PPHLN1: variants seen among roughly 807,000 people sequenced by gnomAD.
The protein encoded by PPHLN1 is periphilin-1.
In PPHLN1, 29 loss-of-function variants were observed where a neutral mutation model predicts 51.3. That is an observed-to-expected ratio of 0.57 (90% CI 0.42 to 0.77). The LOEUF is 0.77. Ranked by LOEUF, PPHLN1 falls within the 30% of genes least tolerant of loss-of-function variation. PPHLN1 has a pLI of 0.00. For synonymous variants in PPHLN1, 147 were observed against 147.8 expected, an observed-to-expected ratio of 0.99 and a Z score of 0.04; for missense variants, 436 against 438.4, an observed-to-expected ratio of 0.99 and a Z score of 0.05.
chr12:42,336,035 C>G, intron 2 of PPHLN1, 61 bp downstream of exon 2: 1 of 1,144,212 alleles, frequency 8.7e-7, no homozygotes, highest in Non-Finnish European at 1.2e-6. Context: ...ATTTGATACA[C>G]CAAAGCTAGG....
At chr12:42,445,913 A>G (rs539116504), downstream of PPHLN1, 41 of 1,446,728 alleles carry the variant, frequency 2.8e-5, no homozygotes, top group African/African-American at 4.3e-5. Context: ...AATATATGGC[A>G]TGGTCCAAAT....
chr12:42,425,038 T>TATGTATGTATG, intron 9 of PPHLN1, among the ~76,000 whole-genome samples: 1 of 136,964 alleles, frequency 7.3e-6, no homozygotes, highest in African/African-American at 2.8e-5. Context: ...TTATTTTATT[T>TATGTATGTATG]TATGTATGTA....
Position 42,387,365 on chromosome 12 carries a change from G to T in PPHLN1, c.569-91G>T, listed in dbSNP as rs2077276879. 3 of 1,369,092 alleles carry T rather than the reference G, an allele frequency of 2.2e-6. No individual in the cohort carries two copies. In the East Asian group the frequency reaches 7.4e-5, roughly 34 times the overall value. The allele number at this position is 1,369,092 out of a possible 1,614,324, so 84.8% of individuals were successfully genotyped here. A position where few individuals can be genotyped will look rare whatever the true frequency, so the allele number is the denominator to read the frequency against. ...GAAAAGTTTTAGTACTAAAATAAGT[G>T]TATGACCCCCACATTAATTCCATTA... On this transcript the variant is annotated intron_variant, in intron 6 of 9. Transcript: ENST00000358314.
chr12:42,352,671 G>A (rs762100789), intron 3 of PPHLN1, among the ~76,000 whole-genome samples: 3 of 151,862 alleles, frequency 2.0e-5, no homozygotes, highest in Non-Finnish European at 4.4e-5. Flanking sequence ...ATGATCAAGT[G>A]GGAGGCCCAC....
At chr12:42,356,179 A>AGAGT (rs1366426086) in intron 4 of PPHLN1, among the ~76,000 whole-genome samples, 1 of 152,252 alleles carries the variant, frequency 6.6e-6, no homozygotes, top group Non-Finnish European at 1.5e-5. Flanking sequence ...AGTCTCATAG[A>AGAGT]GAGTGGCAAG....
chr12:42,406,748 T>C (rs1166281982), intron 9 of PPHLN1, among the ~76,000 whole-genome samples: 2 of 152,174 alleles, frequency 1.3e-5, no homozygotes, highest in African/African-American at 4.8e-5. Flanking sequence ...ATAAAAGTTC[T>C]TAATTTTATT....
At chr12:42,326,695 G>C (rs1323557225) in intron 1 of PPHLN1, among the ~76,000 whole-genome samples, 4 of 152,170 alleles carry the variant, frequency 2.6e-5, no homozygotes, top group African/African-American at 9.7e-5. Flanking sequence ...TATGGGTATG[G>C]ACAAGTGTTG....
intron 9 of PPHLN1, among the ~76,000 whole-genome samples, chr12:42,405,738 T>G (rs2079231918): frequency 6.6e-6 from 1 of 152,238 alleles, no homozygotes; most frequent in Non-Finnish European, 1.5e-5. Context: ...TCTTAAGATT[T>G]TTAATCCCTC....
intron 1 of PPHLN1, among the ~76,000 whole-genome samples, chr12:42,329,499 C>T (rs2069366594): frequency 6.6e-6 from 1 of 152,154 alleles, no homozygotes; most frequent in African/African-American, 2.4e-5. Flanking sequence ...GCTTAATATT[C>T]ATCAGTGAAC....
rs546510601 is a variant in PPHLN1, at chr12:42,440,364, T to G, written c.910-951T>G. The stretch of plus-strand genomic sequence containing the variant: ...CCTGCAACCATGCTATAATCACATA[T>G]TAGTTCCAGTGGATTTTGTGTGTTA... On this transcript the variant is annotated intron_variant, in intron 9 of 9. Coordinates refer to ENST00000358314, the MANE Select transcript of PPHLN1 (RefSeq NM_201439.2). Among the ~76,000 whole-genome samples the G allele has an allele frequency of 3.3e-5, 5 of 152,326 alleles. No individual in the cohort carries two copies. In the South Asian group the frequency reaches 1.0e-3, roughly 32 times the overall value.
intron 7 of PPHLN1, among the ~76,000 whole-genome samples, chr12:42,388,980 G>A (rs1292809158): frequency 6.6e-6 from 1 of 152,012 alleles, no homozygotes; most frequent in East Asian, 1.9e-4. Context: ...GGCTTACGCC[G>A]GTAATCCCAG....
chr12:42,408,694 G>A (rs186743474), intron 9 of PPHLN1, among the ~76,000 whole-genome samples: 3 of 152,250 alleles, frequency 2.0e-5, no homozygotes, highest in Admixed American at 6.5e-5. Context: ...CCACTTCATA[G>A]TAATGTTAGA....
intron 9 of PPHLN1, among the ~76,000 whole-genome samples, chr12:42,412,097 C>T (rs960978721): frequency 5.9e-5 from 9 of 151,880 alleles, no homozygotes; most frequent in African/African-American, 2.2e-4. Flanking sequence ...CCCAGCTACT[C>T]GAGAGGCTGA....
chr12:42,361,448 T>A (rs1175021511), intron 4 of PPHLN1: 1 of 152,246 alleles, frequency 6.6e-6, no homozygotes, highest in East Asian at 1.9e-4. Flanking sequence ...TGGCATTCTA[T>A]TGTAAGGAAG....
At chr12:42,403,241 CAA>C (rs1166507612) in intron 9 of PPHLN1, among the ~76,000 whole-genome samples, 13 of 152,174 alleles carry the variant, frequency 8.5e-5, no homozygotes, top group Non-Finnish European at 1.8e-4. Flanking sequence ...GTCTAGACAT[CAA>C]GTCTACCCTA....
chr12:42,373,142 G>A (rs1211395075), intron 4 of PPHLN1, among the ~76,000 whole-genome samples: 1 of 152,102 alleles, frequency 6.6e-6, no homozygotes, highest in Non-Finnish European at 1.5e-5. Context: ...CTATTAAACC[G>A]AGAGTTCTGT....
intron 9 of PPHLN1, among the ~76,000 whole-genome samples, chr12:42,418,485 A>G (rs1047715881): frequency 6.6e-6 from 1 of 152,044 alleles, no homozygotes; most frequent in African/African-American, 2.4e-5. Flanking sequence ...CACCATGGCT[A>G]TAGAGACCTG....
intron 4 of PPHLN1, among the ~76,000 whole-genome samples, chr12:42,369,857 T>G (rs2075630857): frequency 6.6e-6 from 1 of 152,254 alleles, no homozygotes; most frequent in Non-Finnish European, 1.5e-5. Flanking sequence ...TATTGTATTC[T>G]CTGATGAATT....
In PPHLN1 at chr12:42,441,779, C is replaced by G; in HGVS notation, c.*270C>G. Reference sequence around the variant, plus strand: ...AAGTGATCTGCCTGCCTCAGCCTCTCAAAGTGTTGAGATTACAGGCGTGAG... The same window carrying G: ...AAGTGATCTGCCTGCCTCAGCCTCTGAAAGTGTTGAGATTACAGGCGTGAG... On this transcript the variant is annotated 3_prime_UTR_variant, in exon 10 of 10. Coordinates refer to ENST00000358314, the MANE Select transcript of PPHLN1 (RefSeq NM_201439.2). 8.9e-7 allele frequency: 1 copy of G among 1,126,522 alleles called. No homozygotes were observed. Among genetic ancestry groups the G allele is most frequent in the South Asian group, 3.5e-5 (1 of 28,578 alleles). The allele number at this position is 1,126,522 out of a possible 1,614,324, so 69.8% of individuals were successfully genotyped here. A position where few individuals can be genotyped will look rare whatever the true frequency, so the allele number is the denominator to read the frequency against.
Sources: gnomAD v4.1 joint callset for allele counts (sites outside exome capture counted in the v4.1 genomes callset) on GRCh38, gnomAD v4.1.1 for gene constraint, MANE v1.5 for transcripts, NCBI Gene and HGNC (gene_info 2026-07-23, HGNC 2026-07-21) for gene names.